Variants in BRCA1 observed in about 807,000 individuals in gnomAD.
BRCA1 encodes BRCA1 DNA repair associated, also known as breast cancer type 1 susceptibility protein.
A neutral mutation model predicts 173.7 loss-of-function variants in BRCA1; 140 were observed. The ratio of observed to expected loss-of-function variants is 0.81; its 90% CI spans 0.70 to 0.93. The LOEUF is 0.93. BRCA1 is among the 40% of genes least tolerant of loss of function. The probability of loss-of-function intolerance (pLI) is 0.00; values close to 1 mark genes in which losing one functional copy is unlikely to be tolerated. For missense variants in BRCA1, 1,983 were observed against 2,172.5 expected, an observed-to-expected ratio of 0.91 and a Z score of 1.73; for synonymous variants, 662 against 756.0, an observed-to-expected ratio of 0.88 and a Z score of 2.04.
At chr17:43,113,220 A>G (rs1425197271) in intron 3 of BRCA1, among the ~76,000 whole-genome samples, 1 of 151,912 alleles carries the variant, frequency 6.6e-6, no homozygotes, top group African/African-American at 2.4e-5. Context: ...TCTTTCTTAC[A>G]TCCTTTTTCT....
chr17:43,125,112 G>GCCCCCCCCCC, intron 1 of BRCA1, 159 bp downstream of exon 1: 7 of 270,438 alleles, frequency 2.6e-5, no homozygotes, highest in Non-Finnish European at 4.6e-5. Context: ...CCTACAAACT[G>GCCCCCCCCCC]CCCCCCTCCC....
intron 11 of BRCA1, among the ~76,000 whole-genome samples, chr17:43,084,207 T>C (rs893044368): frequency 6.6e-6 from 1 of 152,182 alleles, no homozygotes; most frequent in Admixed American, 6.5e-5. Flanking sequence ...ATTTTTTGTA[T>C]TTTTAGTAGA....
Position 43,082,772 on chromosome 17 carries a change from T to TA in BRCA1, c.4186-198dup, listed in dbSNP as rs2053080742. The TA allele has an allele frequency of 4.8e-6, 3 of 630,360 alleles. No individual in the cohort carries two copies. The South Asian group carries it at 6.1e-5, about 13-fold the overall frequency. The allele number at this position is 630,360 out of a possible 1,614,324, so 39.0% of individuals were successfully genotyped here. A position where few individuals can be genotyped will look rare whatever the true frequency, so the allele number is the denominator to read the frequency against. On this transcript the variant is annotated intron_variant, in intron 11 of 22. Transcript: ENST00000357654. ...CCATGAAATTATTTCCAAATGATGT[T>TA]AGTGAGGGAAAAAATCCTCAAATTC...
intron 7 of BRCA1, 85 bp downstream of exon 7, chr17:43,099,690 A>G: frequency 1.7e-6 from 2 of 1,195,538 alleles, no homozygotes; most frequent in African/African-American, 3.0e-5. Context: ...CACAAATACA[A>G]ATTATGACCA....
chr17:43,145,007 A>C (rs934053267), intron 1 of BRCA1: 30 of 683,338 alleles, frequency 4.4e-5, no homozygotes, highest in Non-Finnish European at 7.3e-5. Context: ...GGAAGAGCCC[A>C]AGAGGAGATC....
chr17:43,078,532 A>T (rs2052848624), intron 12 of BRCA1, among the ~76,000 whole-genome samples: 1 of 152,262 alleles, frequency 6.6e-6, no homozygotes, highest in South Asian at 2.1e-4. Context: ...TCTTCTATTC[A>T]TTAAAAAGTC....
intron 3 of BRCA1, among the ~76,000 whole-genome samples, chr17:43,111,359 A>C (rs2055026299): frequency 6.6e-6 from 1 of 151,704 alleles, no homozygotes; most frequent in African/African-American, 2.4e-5. Flanking sequence ...GTCTCTACTA[A>C]AAATACAAAA....
chr17:43,100,685 A>ATAACATATATATATATATATAT (rs2054424750), intron 6 of BRCA1, among the ~76,000 whole-genome samples: 1 of 10,206 alleles, frequency 9.8e-5, no homozygotes, highest in African/African-American at 3.0e-4. Flanking sequence ...TATAATATAT[A>ATAACATATATATATATATATAT]TATATATATA....
rs41286296 is a variant in BRCA1, at chr17:43,093,268, C to T, written c.2263G>A (p.Glu755Lys). ...GATCTTTCAGTTTGCAAAACCCTTTCTCCACTTAACATGAGATCTTTGGGG... is the reference window on the plus strand; with the variant it reads ...GATCTTTCAGTTTGCAAAACCCTTTTTCCACTTAACATGAGATCTTTGGGG... ...EDPKDLMLSGERVLQTERSVE... is the reference protein window; with the variant it reads ...EDPKDLMLSGKRVLQTERSVE... The change falls in exon 10 of 23, where the codon GAA becomes AAA. Residue 755 changes from glutamate to lysine, a missense_variant. Physicochemically the swap from Glu to Lys is moderately conservative, Grantham distance 56. Coordinates refer to ENST00000357654, the MANE Select transcript of BRCA1 (RefSeq NM_007294.4). 5 of 1,613,972 alleles carry T rather than the reference C, an allele frequency of 3.1e-6. No homozygotes were observed. In the African/African-American group the frequency reaches 6.7e-5, roughly 22 times the overall value.
Position 43,100,631 on chromosome 17 carries a change from G to T in BRCA1, c.442-751C>A, listed in dbSNP as rs1297331136. 2.3e-3 allele frequency among the ~76,000 whole-genome samples: 85 copies of T among 37,050 alleles called. 6 individuals carry two copies. Among genetic ancestry groups the T allele is most frequent in the South Asian group, 0.012 (12 of 992 alleles). The allele number at this position is 37,050 out of a possible 152,430, so 24.3% of individuals were successfully genotyped here. ...TAACATATATATAACATATATATAT[G>T]TTATATATATATAACATATATATAA... is the stretch of plus-strand genomic sequence containing the variant. On this transcript the variant is annotated intron_variant, in intron 6 of 22. Transcript: ENST00000357654.
At position 43,101,793 on chromosome 17, in the gene BRCA1, C is replaced by T. The variant is rs146079169; in HGVS notation, c.442-1913G>A. Among the ~76,000 whole-genome samples, 126 of 152,218 alleles carry T rather than the reference C, an allele frequency of 8.3e-4. No individual in the cohort carries two copies. The Middle Eastern group carries it at 0.024, about 29-fold the overall frequency. On this transcript the variant is annotated intron_variant, in intron 6 of 22. Transcript: ENST00000357654. ...CTGGGATTACAGGTGCAAGCTACTA[C>T]GCCCAGCCCCAGAATGATTACTTTT...
intron 20 of BRCA1, among the ~76,000 whole-genome samples, chr17:43,050,667 G>A (rs891799846): frequency 2.0e-5 from 3 of 149,574 alleles, no homozygotes; most frequent in South Asian, 2.1e-4. Flanking sequence ...CTCTGGGCCC[G>A]TCCGTGGTGG....
intron 16 of BRCA1, among the ~76,000 whole-genome samples, chr17:43,067,083 G>A (rs1366199935): frequency 1.3e-5 from 2 of 151,628 alleles, no homozygotes; most frequent in African/African-American, 4.9e-5. Flanking sequence ...CTCCCAAAGT[G>A]CTGAGATTAC....
chr17:43,131,128 A>G (rs2055961458), intron 1 of BRCA1: 1 of 190,664 alleles, frequency 5.2e-6, no homozygotes, highest in Admixed American at 5.6e-5. Flanking sequence ...AATATTTAGT[A>G]TGTAATGAAA....
chr17:43,058,599 C>T (rs2051615085), intron 18 of BRCA1, among the ~76,000 whole-genome samples: 2 of 152,108 alleles, frequency 1.3e-5, no homozygotes, highest in Non-Finnish European at 2.9e-5. Context: ...TTTTAATTTT[C>T]AACATCTATC....
intron 1 of BRCA1, among the ~76,000 whole-genome samples, chr17:43,157,088 T>C (rs1274816316): frequency 6.6e-6 from 1 of 152,184 alleles, no homozygotes; most frequent in Admixed American, 6.5e-5. Flanking sequence ...GGGAACACAT[T>C]TTAGCAAATT....
At chr17:43,123,860 T>C (rs2055704058) in intron 2 of BRCA1, among the ~76,000 whole-genome samples, 157 bp downstream of exon 2, 1 of 152,252 alleles carries the variant, frequency 6.6e-6, no homozygotes. Flanking sequence ...TCATTTTCTA[T>C]ATTTTTAAAG....
chr17:43,109,151 G>A (rs951386816), intron 3 of BRCA1, among the ~76,000 whole-genome samples: 14 of 151,926 alleles, frequency 9.2e-5, no homozygotes, highest in African/African-American at 3.4e-4. Flanking sequence ...GAGCCATTGC[G>A]CTGGGCTACT....
intron 11 of BRCA1, among the ~76,000 whole-genome samples, chr17:43,087,311 T>C (rs1404497231): frequency 6.6e-6 from 1 of 152,144 alleles, no homozygotes; most frequent in Non-Finnish European, 1.5e-5. Flanking sequence ...AAATAAATCA[T>C]GATACACTGG....
Sources: allele counts gnomAD v4.1 joint callset (sites outside exome capture counted in the v4.1 genomes callset), GRCh38; gene constraint gnomAD v4.1.1; transcripts MANE v1.5; gene names NCBI Gene and HGNC (gene_info 2026-07-23, HGNC 2026-07-21).